TPO: variants seen among roughly 807,000 people sequenced by gnomAD.
The protein encoded by TPO is thyroid peroxidase, also known as thyroid microsomal antigen.
In TPO, 78 loss-of-function variants were observed where a neutral mutation model predicts 96.9. The observed-to-expected ratio is 0.81, with a 90% confidence interval of 0.67 to 0.97. TPO has a LOEUF of 0.97. Ranked by LOEUF, TPO falls within the 50% of genes least tolerant of loss-of-function variation. The pLI, the probability that TPO is intolerant of heterozygous loss-of-function variation, is 0.00. For missense variants in TPO, 1,252 were observed against 1,274.8 expected (o/e 0.98, Z 0.27); for synonymous variants, 547 against 538.0 (o/e 1.02, Z -0.23).
chr2:1,501,707 C>T (rs1314943786), intron 13 of TPO, among the ~76,000 whole-genome samples: 4 of 152,088 alleles, frequency 2.6e-5, no homozygotes, highest in African/African-American at 9.7e-5. Context: ...CCTGTGAAGA[C>T]CCAGGATGGA....
intron 8 of TPO, among the ~76,000 whole-genome samples, chr2:1,481,969 T>C (rs1670687159): frequency 6.6e-6 from 1 of 152,186 alleles, no homozygotes; most frequent in South Asian, 2.1e-4. Context: ...AAGCCAGGCC[T>C]GGCTGTGTCA....
chr2:1,435,233 A>G (rs1213042418), intron 4 of TPO, among the ~76,000 whole-genome samples: 1 of 152,132 alleles, frequency 6.6e-6, no homozygotes, highest in Non-Finnish European at 1.5e-5. Flanking sequence ...GTACCCGGCC[A>G]ATGGTTCTTT....
In TPO at chr2:1,506,115, CTA is replaced by C. The variant is rs774465070; in HGVS notation, c.2518+2038_2518+2039del. Among the ~76,000 whole-genome samples, 10 of 152,060 alleles carry C rather than the reference CTA, an allele frequency of 6.6e-5. No homozygotes were observed. The East Asian group carries it at 1.7e-3, about 26-fold the overall frequency. On this transcript the variant is annotated intron_variant, in intron 14 of 16. Transcript: ENST00000329066. ...TGTGTTCTCATTGTTCAATTCTCAC[CTA>C]TGAGTGAGAACATGCGGTGTTTGGT...
chr2:1,535,703 G>A (rs1376256416), intron 15 of TPO, among the ~76,000 whole-genome samples: 2 of 63,444 alleles, frequency 3.2e-5, no homozygotes, highest in Admixed American at 2.2e-4. Context: ...CCCAGTGTGT[G>A]CAACCTCCCG....
chr2:1,427,363 G>A (rs933292263), intron 3 of TPO, among the ~76,000 whole-genome samples: 2 of 152,202 alleles, frequency 1.3e-5, no homozygotes, highest in African/African-American at 4.8e-5. Context: ...CTGCGGCCCA[G>A]GCTGCATCAG....
chr2:1,397,559 C>T (rs1015866288), intron 1 of TPO, among the ~76,000 whole-genome samples: 1 of 152,186 alleles, frequency 6.6e-6, no homozygotes, highest in Non-Finnish European at 1.5e-5. Context: ...ACATAGCCAG[C>T]TCTCGGCCCT....
chr2:1,493,216 G>GGT (rs1381638560), intron 10 of TPO, among the ~76,000 whole-genome samples: 2 of 118,734 alleles, frequency 1.7e-5, no homozygotes, highest in South Asian at 6.8e-4. Flanking sequence ...GGGTGGGGGG[G>GGT]GGGGTGCTGG....
At chr2:1,441,565 AC>A (rs1276779995) in intron 5 of TPO, among the ~76,000 whole-genome samples, 1 of 151,990 alleles carries the variant, frequency 6.6e-6, no homozygotes, top group East Asian at 1.9e-4. Flanking sequence ...TCTGTTACCA[AC>A]CTGTGGAGAC....
intron 1 of TPO, among the ~76,000 whole-genome samples, chr2:1,381,810 G>A (rs1342357556): frequency 1.3e-5 from 2 of 152,090 alleles, no homozygotes; most frequent in Non-Finnish European, 1.5e-5. Flanking sequence ...TTGGACATGC[G>A]CCTCTAAGTG....
At chr2:1,521,348 CTCTT>C (rs1675238412) in intron 15 of TPO, among the ~76,000 whole-genome samples, 1 of 152,168 alleles carries the variant, frequency 6.6e-6, no homozygotes, top group Non-Finnish European at 1.5e-5. Context: ...CATCTCTCCT[CTCTT>C]TATCATTAGA....
chr2:1,530,603 CA>C (rs1252649509), intron 15 of TPO, among the ~76,000 whole-genome samples: 11 of 98,634 alleles, frequency 1.1e-4, no homozygotes, highest in African/African-American at 3.9e-4. Flanking sequence ...CCAAATCCCC[CA>C]CACTCTGTGC....
At chr2:1,401,599 A>AGCTCCC (rs1662173667) in intron 1 of TPO, among the ~76,000 whole-genome samples, 1 of 151,920 alleles carries the variant, frequency 6.6e-6, no homozygotes, top group African/African-American at 2.4e-5. Flanking sequence ...TCAGGACCAG[A>AGCTCCC]CAAGCAGAGC....
intron 1 of TPO, among the ~76,000 whole-genome samples, chr2:1,376,253 T>C (rs1278582667): frequency 6.6e-6 from 1 of 152,128 alleles, no homozygotes; most frequent in Non-Finnish European, 1.5e-5. Flanking sequence ...AGACTCAGAG[T>C]GTCTCCTCTG....
In TPO at chr2:1,513,995, G is replaced by C. The variant is rs1377717678; in HGVS notation, c.2519-2888G>C. On this transcript the variant is annotated intron_variant, in intron 14 of 16. Coordinates refer to ENST00000329066, the MANE Select transcript of TPO (RefSeq NM_001206744.2). ...CATACATAGACATAGTTTTACATGTGCTTCTAGCTCTATGTACCGATATGT... is the reference window on the plus strand; with the variant it reads ...CATACATAGACATAGTTTTACATGTCCTTCTAGCTCTATGTACCGATATGT... Among the ~76,000 whole-genome samples, 5 of 152,306 alleles carry C rather than the reference G, an allele frequency of 3.3e-5. No individual in the cohort carries two copies. In the East Asian group the frequency reaches 9.7e-4, roughly 29 times the overall value.
At chr2:1,519,500 A>G (rs1259443059) in intron 15 of TPO, among the ~76,000 whole-genome samples, 1 of 152,250 alleles carries the variant, frequency 6.6e-6, no homozygotes, top group Non-Finnish European at 1.5e-5. Context: ...TCTGTTTTGG[A>G]AAGAGAGTAC....
At chr2:1,434,941 T>G (rs1032699952) in intron 4 of TPO, among the ~76,000 whole-genome samples, 2 of 151,912 alleles carry the variant, frequency 1.3e-5, no homozygotes, top group Admixed American at 6.6e-5. Flanking sequence ...CTTTTCTTCT[T>G]TTTTTTTGTT....
intron 7 of TPO, among the ~76,000 whole-genome samples, chr2:1,475,569 G>A (rs553517621): frequency 4.6e-5 from 7 of 152,170 alleles, no homozygotes; most frequent in Middle Eastern, 3.4e-3. Flanking sequence ...GACTACAGGT[G>A]CCCGCCACCG....
intron 14 of TPO, among the ~76,000 whole-genome samples, chr2:1,509,916 C>A (rs1464113320): frequency 4.0e-5 from 6 of 151,150 alleles, no homozygotes; most frequent in African/African-American, 1.2e-4. Flanking sequence ...TCAGGGACAC[C>A]CCACCCTGTT....
At chr2:1,517,146 G>A (rs1013932737) in intron 15 of TPO, among the ~76,000 whole-genome samples, 164 bp downstream of exon 15, 5 of 152,216 alleles carry the variant, frequency 3.3e-5, no homozygotes, top group East Asian at 1.9e-4. Context: ...TAGACTCTCC[G>A]GATCTTTCAT....
Sources: gnomAD v4.1 joint callset for allele counts (sites outside exome capture counted in the v4.1 genomes callset) on GRCh38, gnomAD v4.1.1 for gene constraint, MANE v1.5 for transcripts, NCBI Gene and HGNC (gene_info 2026-07-23, HGNC 2026-07-21) for gene names.